Variants in ST6GALNAC5 observed in about 807,000 individuals in gnomAD.
ST6GALNAC5 encodes alpha-N-acetylgalactosaminide alpha-2,6-sialyltransferase 5.
ST6GALNAC5 carries 27 observed loss-of-function variants against 33.6 expected under a neutral mutation model. The observed-to-expected ratio is 0.80, with a 90% CI of 0.59 to 1.11. ST6GALNAC5 has a LOEUF of 1.11. ST6GALNAC5 is among the 50% of genes least tolerant of loss of function. The pLI, the probability that ST6GALNAC5 is intolerant of heterozygous loss-of-function variation, is 0.00. For synonymous variants in ST6GALNAC5, 194 were observed against 171.2 expected, an observed-to-expected ratio of 1.13 and a Z score of -1.04; for missense variants, 428 against 454.0, an observed-to-expected ratio of 0.94 and a Z score of 0.52.
chr1:76,913,204 C>G (rs1646932137), intron 2 of ST6GALNAC5, among the ~76,000 whole-genome samples: 1 of 151,556 alleles, frequency 6.6e-6, no homozygotes, highest in African/African-American at 2.4e-5. Context: ...ATATGAAATT[C>G]TGGGTTGAAA....
At chr1:76,952,081 T>C (rs1028390844) in intron 2 of ST6GALNAC5, among the ~76,000 whole-genome samples, 8 of 152,156 alleles carry the variant, frequency 5.3e-5, no homozygotes, top group Non-Finnish European at 1.2e-4. Flanking sequence ...ACAGCACACT[T>C]TGAAGTTTAA....
intron 2 of ST6GALNAC5, among the ~76,000 whole-genome samples, chr1:76,906,429 A>C (rs1646864728): frequency 6.6e-6 from 1 of 152,194 alleles, no homozygotes; most frequent in Admixed American, 6.6e-5. Context: ...ATTTGAATTG[A>C]GAAAGGCAGT....
At chr1:77,042,967 A>G (rs187956) in intron 2 of ST6GALNAC5, among the ~76,000 whole-genome samples, 58,275 of 151,960 alleles carry the variant, frequency 0.38, 11,910 homozygotes, top group African/African-American at 0.53. Flanking sequence ...ACCACAAGGC[A>G]AGGGAAGTTG....
intron 2 of ST6GALNAC5, among the ~76,000 whole-genome samples, chr1:76,970,428 A>T (rs1238711973): frequency 6.6e-6 from 1 of 151,906 alleles, no homozygotes; most frequent in Non-Finnish European, 1.5e-5. Flanking sequence ...TCAATAGCCG[A>T]TCCAATCAAG....
rs80191861 is a variant in ST6GALNAC5, at chr1:76,940,586, G to A, written c.261+71844G>A. Among the ~76,000 whole-genome samples, 4 of 152,142 alleles carry A rather than the reference G, an allele frequency of 2.6e-5. No individual in the cohort carries two copies. In the East Asian group the frequency reaches 7.8e-4, roughly 30 times the overall value. On this transcript the variant is annotated intron_variant, in intron 2 of 4. Coordinates refer to ENST00000477717, the MANE Select transcript of ST6GALNAC5 (RefSeq NM_030965.3). ...CTCAGGATGATGAAACTCGAGACCT[G>A]GAGAAAGGGAAGCAACTTGCCAGGC...
chr1:76,935,646 A>G (rs934697588), intron 2 of ST6GALNAC5, among the ~76,000 whole-genome samples: 1 of 152,092 alleles, frequency 6.6e-6, no homozygotes, highest in Admixed American at 6.6e-5. Flanking sequence ...TTCCTCATAA[A>G]GGGGAAATTG....
chr1:76,967,500 G>C (rs1406672511), intron 2 of ST6GALNAC5, among the ~76,000 whole-genome samples: 2 of 152,112 alleles, frequency 1.3e-5, no homozygotes, highest in African/African-American at 2.4e-5. Context: ...CTTGCTAGCA[G>C]TCTATCAATT....
rs1652040491 is a variant in ST6GALNAC5 at position 77,047,096 on chromosome 1, T to C, written c.671+2483T>C. 2.0e-5 allele frequency among the ~76,000 whole-genome samples: 3 copies of C among 152,184 alleles called. No homozygotes were observed. In the South Asian group the frequency reaches 6.2e-4, roughly 32 times the overall value. On this transcript the variant is annotated intron_variant, in intron 3 of 4. Transcript: ENST00000477717. Reference sequence around the variant, plus strand: ...TTTGTGGAGTGGCTGGTGGGACTCTTTCCACAGACATCCATCTGCCAGGGT... The same window carrying C: ...TTTGTGGAGTGGCTGGTGGGACTCTCTCCACAGACATCCATCTGCCAGGGT...
At chr1:76,936,168 T>C (rs892960183) in intron 2 of ST6GALNAC5, among the ~76,000 whole-genome samples, 1 of 152,080 alleles carries the variant, frequency 6.6e-6, no homozygotes, top group African/African-American at 2.4e-5. Flanking sequence ...GGGTGGCATA[T>C]TTTGCACACG....
rs200073725 is a variant in ST6GALNAC5 at position 76,868,500 on chromosome 1, C to G, written c.19C>G (p.His7Asp). The G allele has an allele frequency of 9.5e-5, 153 of 1,602,430 alleles. No individual in the cohort carries two copies. Among genetic ancestry groups the G allele is most frequent in the Non-Finnish European group, 1.2e-4 (143 of 1,172,608 alleles). MKTLMR[H>D]GLAVCLALTT... ...TCTCTCTCCCGCCCGCCCGCAGCGC[C>G]ATGGTCTGGCAGTGTGTTTAGCGCT... Residue 7 changes from histidine (H) to aspartate (D), a missense_variant, in exon 2 of 5, where the codon CAT becomes GAT. By Grantham distance (81) the His-to-Asp change is moderately conservative. Transcript: ENST00000477717. This position sits in a 1 kb window ranked among gnomAD's most constrained non-coding sequence, Gnocchi z 4.3.
chr1:76,925,359 A>G (rs1157285287), intron 2 of ST6GALNAC5, among the ~76,000 whole-genome samples: 2 of 152,140 alleles, frequency 1.3e-5, no homozygotes, highest in African/African-American at 2.4e-5. Context: ...GTCAATTCAA[A>G]GCCAAAGACA....
intron 2 of ST6GALNAC5, among the ~76,000 whole-genome samples, chr1:77,027,802 T>G (rs1651303945): frequency 6.6e-6 from 1 of 152,194 alleles, no homozygotes; most frequent in Admixed American, 6.5e-5. Flanking sequence ...GAAAATCTCA[T>G]TAGGAATTGG....
intron 2 of ST6GALNAC5, among the ~76,000 whole-genome samples, chr1:77,039,335 T>C (rs960460277): frequency 6.6e-5 from 10 of 152,252 alleles, no homozygotes; most frequent in Non-Finnish European, 1.5e-4. Context: ...CCGGGCCATT[T>C]TCCCAGCCAG....
intron 2 of ST6GALNAC5, among the ~76,000 whole-genome samples, chr1:77,033,245 A>G (rs1221707994): frequency 1.3e-5 from 2 of 152,222 alleles, no homozygotes; most frequent in African/African-American, 2.4e-5. Context: ...CTGCTTGCTG[A>G]GAAAGTGAGG....
At chr1:77,050,412 A>T (rs1652182820) in intron 4 of ST6GALNAC5, 47 bp downstream of exon 4, 1 of 1,541,740 alleles carries the variant, frequency 6.5e-7, no homozygotes, top group East Asian at 2.3e-5. Context: ...GTTGTGCAGG[A>T]TTTATAAATA....
chr1:76,907,905 A>G (rs1039665783), intron 2 of ST6GALNAC5, among the ~76,000 whole-genome samples: 2 of 152,150 alleles, frequency 1.3e-5, no homozygotes, highest in Non-Finnish European at 2.9e-5. Flanking sequence ...TTAACCAGGA[A>G]TGCTAAAAAT....
At chr1:76,966,824 CA>C (rs1471021654) in intron 2 of ST6GALNAC5, among the ~76,000 whole-genome samples, 2 of 152,190 alleles carry the variant, frequency 1.3e-5, no homozygotes, top group Non-Finnish European at 2.9e-5. Context: ...TGAATTTTAT[CA>C]AAGGCCTTTT....
At chr1:77,010,221 G>A (rs1181093578) in intron 2 of ST6GALNAC5, among the ~76,000 whole-genome samples, 3 of 152,114 alleles carry the variant, frequency 2.0e-5, no homozygotes, top group African/African-American at 7.2e-5. Context: ...CTTGGGCCGG[G>A]CAGTGGTTCA....
In ST6GALNAC5 at chr1:77,063,613, C is replaced by T. The variant is rs150807898; in HGVS notation, c.*407C>T. On this transcript the variant is annotated 3_prime_UTR_variant, in exon 5 of 5. Coordinates refer to ENST00000477717, the MANE Select transcript of ST6GALNAC5 (RefSeq NM_030965.3). ...GTTGTATTCTTTCCTGTTCTATAACCTTTGTCATCTGTTAGACTCTGTATG... is the reference window on the plus strand; with the variant it reads ...GTTGTATTCTTTCCTGTTCTATAACTTTTGTCATCTGTTAGACTCTGTATG... The T allele has an allele frequency of 1.9e-3, 370 of 199,030 alleles. 2 individuals carry two copies. The highest frequency in any genetic ancestry group is 7.9e-3 in the African/African-American group (341 of 43,184). 12.3% of individuals were successfully genotyped at this position (199,030 alleles called of 1,614,324 possible). A position where few individuals can be genotyped will look rare whatever the true frequency, so the allele number is the denominator to read the frequency against.
Sources: allele counts gnomAD v4.1 joint callset (sites outside exome capture counted in the v4.1 genomes callset), GRCh38; gene constraint gnomAD v4.1.1; non-coding constraint Gnocchi (gnomAD v3.1); transcripts MANE v1.5; gene names NCBI Gene and HGNC (gene_info 2026-07-23, HGNC 2026-07-21).